Variants in ERC2 observed in about 807,000 individuals in gnomAD.
ERC2 encodes the protein ERC protein 2.
Under a neutral mutation model 114.8 loss-of-function variants are expected in ERC2, and 42 were observed. The observed-to-expected ratio is 0.37, with a 90% CI of 0.29 to 0.47. The LOEUF (loss-of-function observed/expected upper bound fraction) is 0.47, where lower values mean the gene tolerates loss of function less well. Among genes scored for constraint, ERC2 ranks in the 20% least tolerant of loss-of-function variants. ERC2 has a pLI of 0.99. For synonymous variants in ERC2, 454 were observed against 425.5 expected (o/e 1.07, Z -0.82); for missense variants, 939 against 1,150.7 (o/e 0.82, Z 2.66).
At chr3:55,891,250 G>C (rs1250460969) in intron 13 of ERC2, among the ~76,000 whole-genome samples, 2 of 152,056 alleles carry the variant, frequency 1.3e-5, no homozygotes, top group South Asian at 2.1e-4. Context: ...CTGCCCTGGT[G>C]ACCGTGGAAG....
chr3:56,318,505 A>G (rs1482937902), intron 2 of ERC2, among the ~76,000 whole-genome samples: 1 of 152,170 alleles, frequency 6.6e-6, no homozygotes, highest in African/African-American at 2.4e-5. Context: ...GTAATCTGAA[A>G]AAATGGAGAA....
rs995868007 is a variant in ERC2, at chr3:56,251,519, A to G, written c.1074+44500T>C. On this transcript the variant is annotated intron_variant, in intron 3 of 17. Coordinates refer to ENST00000288221, the MANE Select transcript of ERC2 (RefSeq NM_015576.3). Reference sequence around the variant, plus strand: ...AGAGAAACCTGGCAAGAAGAAAAAAATAAATCTCATTCAAGGCTGCCATCT... The same window carrying G: ...AGAGAAACCTGGCAAGAAGAAAAAAGTAAATCTCATTCAAGGCTGCCATCT... Among the ~76,000 whole-genome samples, 7 of 152,356 alleles carry G rather than the reference A, an allele frequency of 4.6e-5. No individual in the cohort carries two copies. In the South Asian group the frequency reaches 6.2e-4, roughly 14 times the overall value.
At chr3:56,199,689 T>C (rs897982270) in intron 3 of ERC2, among the ~76,000 whole-genome samples, 1 of 151,952 alleles carries the variant, frequency 6.6e-6, no homozygotes, top group African/African-American at 2.4e-5. Context: ...TTAATTTTTT[T>C]GTAAAGTCAG....
rs117530262 is a variant in ERC2, at chr3:55,962,893, A to G, written c.2268-12333T>C. On this transcript the variant is annotated intron_variant, in intron 12 of 17. Transcript: ENST00000288221. Reference sequence around the variant, plus strand: ...AAATCAACCCTACAAAGCTCTATGGAGCACAAATGGGAAATCTCAGGATAC... The same window carrying G: ...AAATCAACCCTACAAAGCTCTATGGGGCACAAATGGGAAATCTCAGGATAC... Among the ~76,000 whole-genome samples the G allele has an allele frequency of 2.2e-4, 34 of 152,318 alleles. No individual in the cohort carries two copies. The East Asian group carries it at 6.4e-3, about 29-fold the overall frequency.
At chr3:55,765,976 A>G (rs970923934) in intron 14 of ERC2, among the ~76,000 whole-genome samples, 5 of 152,238 alleles carry the variant, frequency 3.3e-5, no homozygotes, top group African/African-American at 1.2e-4. Context: ...TCTTTTAAAC[A>G]TGGCTCAAGG....
intron 2 of ERC2, among the ~76,000 whole-genome samples, chr3:56,355,326 C>CTT (rs11329878): frequency 6.4e-5 from 9 of 141,036 alleles, no homozygotes; most frequent in East Asian, 4.1e-4. Flanking sequence ...TTTTTTCTTT[C>CTT]TTTTTTTTTT....
intron 17 of ERC2, among the ~76,000 whole-genome samples, chr3:55,572,060 G>A (rs1331735348): frequency 6.6e-6 from 1 of 152,234 alleles, no homozygotes; most frequent in Non-Finnish European, 1.5e-5. Context: ...GCCCAGGAAG[G>A]CAAGACTGAC....
chr3:56,145,174 G>A (rs1338202519), intron 5 of ERC2, among the ~76,000 whole-genome samples: 9 of 152,170 alleles, frequency 5.9e-5, no homozygotes, highest in African/African-American at 2.2e-4. Flanking sequence ...TCTAGAAAGT[G>A]ATATGCTTAC....
chr3:55,975,776 C>T (rs369752527), intron 12 of ERC2, among the ~76,000 whole-genome samples: 4 of 152,130 alleles, frequency 2.6e-5, no homozygotes, highest in Admixed American at 1.3e-4. Flanking sequence ...TTCTCCCTAC[C>T]GCAGAGTCTA....
chr3:55,991,824 T>G (rs2149524866), intron 11 of ERC2, among the ~76,000 whole-genome samples: 1 of 152,366 alleles, frequency 6.6e-6, no homozygotes, highest in Non-Finnish European at 1.5e-5. Context: ...CTCAAGAAAG[T>G]TGACCACTAT....
chr3:55,672,119 C>T (rs2061584725), intron 17 of ERC2, among the ~76,000 whole-genome samples: 1 of 152,084 alleles, frequency 6.6e-6, no homozygotes, highest in Non-Finnish European at 1.5e-5. Context: ...AGGTGGATCA[C>T]CTGAGTCCAG....
chr3:56,209,796 G>A (rs919000980), intron 3 of ERC2, among the ~76,000 whole-genome samples: 19 of 152,026 alleles, frequency 1.2e-4, no homozygotes, highest in African/African-American at 4.6e-4. Context: ...GCAGTTCCAG[G>A]CTTCAGAAAA....
rs17056332 is a variant in ERC2, at chr3:55,993,632, T to C, written c.2062-1382A>G. Among the ~76,000 whole-genome samples, 556 of 152,058 alleles carry C rather than the reference T, an allele frequency of 3.7e-3. 4 individuals carry two copies. The highest frequency in any genetic ancestry group is 0.012 in the African/African-American group (500 of 41,516). Reference sequence around the variant, plus strand: ...GATAAAGGGGAAAAAGTTGCTTTCATGTTCTTAAACCTAAGATTTCCTTAT... The same window carrying C: ...GATAAAGGGGAAAAAGTTGCTTTCACGTTCTTAAACCTAAGATTTCCTTAT... On this transcript the variant is annotated intron_variant, in intron 10 of 17. Transcript: ENST00000288221.
chr3:56,215,143 T>C (rs1365688093), intron 3 of ERC2, among the ~76,000 whole-genome samples: 1 of 152,108 alleles, frequency 6.6e-6, no homozygotes, highest in East Asian at 1.9e-4. Flanking sequence ...CACATAACAA[T>C]ATTAACCTTA....
intron 14 of ERC2, among the ~76,000 whole-genome samples, chr3:55,874,373 A>G (rs573802435): frequency 2.3e-4 from 35 of 152,238 alleles, no homozygotes; most frequent in African/African-American, 7.9e-4. Context: ...CCAGCCCCAC[A>G]TCTTTCTAAG....
chr3:55,713,429 C>T (rs1420180225), intron 15 of ERC2, among the ~76,000 whole-genome samples: 1 of 152,070 alleles, frequency 6.6e-6, no homozygotes, highest in African/African-American at 2.4e-5. Context: ...GTTGGCCAGG[C>T]TGGTCTCGAA....
rs199614776 is a variant in ERC2 at position 55,906,154 on chromosome 3, CT to C, written c.2404-17606del. ...TAACTAGAATTAGCAAAAACAATAC[CT>C]GATGTTTATGCCAGTGGTTGTCAAA... is the stretch of plus-strand genomic sequence containing the variant. On this transcript the variant is annotated intron_variant, in intron 13 of 17. Transcript: ENST00000288221. Among the ~76,000 whole-genome samples the C allele has an allele frequency of 9.3e-3, 1,402 of 150,082 alleles. 7 individuals carry two copies. Among genetic ancestry groups the C allele is most frequent in the Non-Finnish European group, 0.014 (949 of 67,738 alleles).
At chr3:56,448,729 A>G (rs770585295) in intron 1 of ERC2, among the ~76,000 whole-genome samples, 3 of 152,202 alleles carry the variant, frequency 2.0e-5, no homozygotes, top group Non-Finnish European at 4.4e-5. Context: ...GCCGTAGACA[A>G]TTTGAAACCA....
intron 14 of ERC2, among the ~76,000 whole-genome samples, chr3:55,759,488 A>AC (rs1559610020): frequency 1.4e-5 from 2 of 147,726 alleles, no homozygotes; most frequent in African/African-American, 5.0e-5. Context: ...AAAAAAAAAA[A>AC]AAAAAAAAAA....
Sources: allele counts gnomAD v4.1 joint callset (sites outside exome capture counted in the v4.1 genomes callset), GRCh38; gene constraint gnomAD v4.1.1; transcripts MANE v1.5; gene names NCBI Gene and HGNC (gene_info 2026-07-23, HGNC 2026-07-21).